The following DMD variants were observed in gnomAD, a reference collection of about 807,000 sequenced individuals.
DMD encodes dystrophin, also known as mutant dystrophin.
Under a neutral mutation model 330.1 loss-of-function variants are expected in DMD, and 63 were observed. That is an observed-to-expected ratio of 0.19 (90% CI 0.16 to 0.24). DMD has a LOEUF of 0.24. Among genes scored for constraint, DMD ranks in the 10% least tolerant of loss-of-function variants. The pLI is 1.00. For synonymous variants in DMD, 1,223 were observed against 959.8 expected (o/e 1.27, Z -5.07); for missense variants, 3,344 against 2,684.1 (o/e 1.25, Z -5.43).
chrX:32,045,909 G>A (rs2096061308), intron 44 of DMD, among the ~76,000 whole-genome samples: 1 of 112,349 alleles, frequency 8.9e-6, no homozygotes, highest in Non-Finnish European at 1.9e-5. Flanking sequence ...GGCAATTGAT[G>A]ATCATGTGGA....
chrX:33,288,490 A>G (rs2053467566), intron 1 of DMD, among the ~76,000 whole-genome samples: 1 of 111,369 alleles, frequency 9.0e-6, no homozygotes, highest in African/African-American at 3.3e-5. Context: ...TATTCTTCTC[A>G]CTGCAAACAG....
chrX:32,747,636 C>G (rs1421858957), intron 7 of DMD, among the ~76,000 whole-genome samples: 1 of 108,062 alleles, frequency 9.3e-6, no homozygotes, highest in Non-Finnish European at 1.9e-5. Flanking sequence ...TACAGGTTTG[C>G]ACTACCACAC....
chrX:32,045,360 T>TA (rs1203390617), intron 44 of DMD, among the ~76,000 whole-genome samples: 11 of 105,604 alleles, frequency 1.0e-4, no homozygotes, highest in Non-Finnish European at 1.8e-4. Context: ...TTTTTTTTTT[T>TA]AAATGTGTGG....
chrX:32,106,232 G>A (rs2096563550), intron 44 of DMD, among the ~76,000 whole-genome samples: 1 of 111,350 alleles, frequency 9.0e-6, no homozygotes, highest in Admixed American at 9.5e-5. Context: ...AATGTCAACT[G>A]AAATAATATT....
chrX:31,724,094 T>A (rs747606337), intron 52 of DMD, among the ~76,000 whole-genome samples: 2 of 112,238 alleles, frequency 1.8e-5, no homozygotes, highest in Non-Finnish European at 3.8e-5. Context: ...GGCATCCTAG[T>A]GGATGTGAAT....
chrX:32,651,193 A>G (rs1442908609), intron 9 of DMD, among the ~76,000 whole-genome samples: 2 of 108,840 alleles, frequency 1.8e-5, no homozygotes, highest in African/African-American at 6.7e-5. Context: ...CCCAGGCTGG[A>G]GTGCAATGGT....
At chrX:31,202,920 T>C (rs2148529289) in intron 67 of DMD, among the ~76,000 whole-genome samples, 1 of 112,355 alleles carries the variant, frequency 8.9e-6, no homozygotes, top group Admixed American at 9.4e-5. Flanking sequence ...TGAGAATTGA[T>C]CCTATAAAGA....
At chrX:32,898,484 T>C (rs939315832) in intron 2 of DMD, among the ~76,000 whole-genome samples, 1 of 112,130 alleles carries the variant, frequency 8.9e-6, no homozygotes, top group Admixed American at 9.5e-5. Flanking sequence ...CTTTGTGAAA[T>C]AGGGACAACT....
Position 33,126,468 on chromosome X carries a change from TC to T in DMD, c.31+84813del, listed in dbSNP as rs1005757610. Among the ~76,000 whole-genome samples, 3 of 111,322 alleles carry T rather than the reference TC, an allele frequency of 2.7e-5. No individual in the cohort carries two copies. In the Admixed American group the frequency reaches 2.9e-4, roughly 11 times the overall value. Reference sequence around the variant, plus strand: ...TGAATCAGAAACTCTGGGGGTGGCATCCAGCAAGCTGTGGTTTAACCAGCCC... The same window carrying T: ...TGAATCAGAAACTCTGGGGGTGGCATCAGCAAGCTGTGGTTTAACCAGCCC... On this transcript the variant is annotated intron_variant, in intron 1 of 78. Coordinates refer to ENST00000357033, the MANE Select transcript of DMD (RefSeq NM_004006.3).
At position 31,260,905 on chromosome X, in the gene DMD, C is replaced by A. The variant is rs143649373; in HGVS notation, c.9286+50G>T. On this transcript the variant is annotated intron_variant, in intron 63 of 78. Coordinates refer to ENST00000357033, the MANE Select transcript of DMD (RefSeq NM_004006.3). ...CTTTCACACTGCAAACTACTTTATC[C>A]TAAAGGTCACCTGTCATTTAACTTG... 333 of 1,130,190 alleles carry A rather than the reference C, an allele frequency of 2.9e-4. No individual in the cohort carries two copies. The African/African-American group carries it at 5.3e-3, about 18-fold the overall frequency. The allele number at this position is 1,130,190 out of a possible 1,213,427, so 93.1% of individuals were successfully genotyped here.
intron 1 of DMD, among the ~76,000 whole-genome samples, chrX:33,085,618 T>C (rs1048328853): frequency 8.9e-6 from 1 of 112,329 alleles, no homozygotes; most frequent in South Asian, 3.6e-4. Flanking sequence ...ATTTTGTAAA[T>C]CCATAATATG....
rs763894793 is a variant in DMD, at chrX:33,242,420, C to A, written c.7+96839G>T. ...TAATAGTCTCCAATCTCATCCAGGT[C>A]ACTGCAAATGCTGTTAATTTCTTCC... On this transcript the variant is annotated intron_variant, in intron 1 of 17. Coordinates refer to the DMD transcript ENST00000288447. Among the ~76,000 whole-genome samples, 48 of 112,036 alleles carry A rather than the reference C, an allele frequency of 4.3e-4. No individual in the cohort carries two copies. The South Asian group carries it at 7.1e-3, about 16-fold the overall frequency.
At chrX:32,695,051 T>A (rs780234754) in intron 9 of DMD, among the ~76,000 whole-genome samples, 68 of 112,430 alleles carry the variant, frequency 6.0e-4, no homozygotes, top group South Asian at 2.2e-3. Context: ...TTGTTTTGCA[T>A]GTTTATGTGT....
chrX:31,175,501 T>C (rs374047663), intron 71 of DMD, among the ~76,000 whole-genome samples: 3 of 110,901 alleles, frequency 2.7e-5, no homozygotes, highest in East Asian at 2.8e-4. Context: ...TTAAAAAATA[T>C]ACACTAAAAG....
intron 45 of DMD, among the ~76,000 whole-genome samples, chrX:31,935,903 C>T (rs765517677): frequency 9.0e-6 from 1 of 110,876 alleles, no homozygotes; most frequent in South Asian, 3.8e-4. Flanking sequence ...AAATATGTCT[C>T]AAATTATTTA....
At chrX:32,001,528 C>A (rs958259020) in intron 44 of DMD, among the ~76,000 whole-genome samples, 4 of 110,362 alleles carry the variant, frequency 3.6e-5, no homozygotes, top group African/African-American at 1.3e-4. Context: ...GAAGACCTCT[C>A]CCCTCCAATC....
intron 71 of DMD, among the ~76,000 whole-genome samples, chrX:31,174,465 C>A (rs1179929138): frequency 9.0e-6 from 1 of 111,257 alleles, no homozygotes; most frequent in Non-Finnish European, 1.9e-5. Flanking sequence ...TTTATAGTAT[C>A]TTTTGGATTA....
chrX:32,652,289 C>T (rs2060215490), intron 9 of DMD, among the ~76,000 whole-genome samples: 1 of 67,467 alleles, frequency 1.5e-5, no homozygotes, highest in Non-Finnish European at 2.6e-5. Flanking sequence ...CTCCCCCCTC[C>T]CCCCACCCCA....
chrX:32,573,874 T>A (rs760533837), intron 13 of DMD, 28 bp from the exon 14 acceptor site: 2 of 1,141,068 alleles, frequency 1.8e-6, no homozygotes, highest in Admixed American at 2.2e-5. Context: ...AAGCACAGCA[T>A]CAGCAAACAA....
Sources: allele counts gnomAD v4.1 joint callset (sites outside exome capture counted in the v4.1 genomes callset), GRCh38; gene constraint gnomAD v4.1.1; transcripts MANE v1.5; gene names NCBI Gene and HGNC (gene_info 2026-07-23, HGNC 2026-07-21).